The following CSMD1 variants were observed in gnomAD, a reference collection of about 807,000 sequenced individuals.
The protein encoded by CSMD1 is CUB and sushi domain-containing protein 1.
Under a neutral mutation model 417.5 loss-of-function variants are expected in CSMD1, and 213 were observed. The observed-to-expected ratio is 0.51, with a 90% CI of 0.46 to 0.57. The LOEUF (loss-of-function observed/expected upper bound fraction) is 0.57, where lower values mean the gene tolerates loss of function less well. Ranked by LOEUF, CSMD1 falls within the 20% of genes least tolerant of loss-of-function variation. CSMD1 has a pLI of 0.00. For missense variants in CSMD1, 6,923 were observed against 4,529.7 expected (o/e 1.53, Z -15.17); for synonymous variants, 2,862 against 1,736.8 (o/e 1.65, Z -16.11).
At chr8:3,716,661 T>A (rs1483840952) in intron 6 of CSMD1, among the ~76,000 whole-genome samples, 2 of 152,144 alleles carry the variant, frequency 1.3e-5, no homozygotes, top group Non-Finnish European at 2.9e-5. Flanking sequence ...TCTCATCCTG[T>A]GACTAAGAGT....
At chr8:3,294,806 C>T (rs572086030) in intron 25 of CSMD1, among the ~76,000 whole-genome samples, 79 of 152,218 alleles carry the variant, frequency 5.2e-4, no homozygotes, top group African/African-American at 1.5e-3. Flanking sequence ...CTTTGGCTCC[C>T]GCTTGGTGGG....
chr8:4,269,775 G>A lies in CSMD1; in HGVS notation c.415+150178C>T, dbSNP rs529761205. On this transcript the variant is annotated intron_variant, in intron 3 of 69. Coordinates refer to ENST00000635120, the MANE Select transcript of CSMD1 (RefSeq NM_033225.6). ...TGCAAAATTACATCTTCATAAAAAA[G>A]CATGAAAATTATATACAGGTGATAC... is the stretch of plus-strand genomic sequence containing the variant. 4.6e-5 allele frequency among the ~76,000 whole-genome samples: 7 copies of A among 152,228 alleles called. No individual in the cohort carries two copies. The South Asian group carries it at 8.3e-4, about 18-fold the overall frequency.
chr8:3,751,442 C>T (rs1017403374), intron 6 of CSMD1, among the ~76,000 whole-genome samples: 1 of 147,266 alleles, frequency 6.8e-6, no homozygotes, highest in African/African-American at 2.5e-5. Flanking sequence ...ACAGTTTATA[C>T]ATATAAATGT....
In CSMD1 at chr8:2,998,198, G is replaced by A. The variant is rs1428185945; in HGVS notation, c.8204-14C>T. 4 of 1,612,652 alleles carry A rather than the reference G, an allele frequency of 2.5e-6. No individual in the cohort carries two copies. The highest frequency in any genetic ancestry group is 3.4e-6 in the Non-Finnish European group (4 of 1,179,032). ...CACATGTGATGGCTGTAGAGAGACA[G>A]GTCAACGTCATTGTTAAATATTGAA... is the stretch of plus-strand genomic sequence containing the variant. On this transcript the variant is annotated splice_polypyrimidine_tract_variant and intron_variant, in intron 53 of 69. Transcript: ENST00000635120.
Position 4,060,585 on chromosome 8 carries a change from A to T in CSMD1, c.416-28486T>A, listed in dbSNP as rs190393936. Among the ~76,000 whole-genome samples, 11 of 152,280 alleles carry T rather than the reference A, an allele frequency of 7.2e-5. No individual in the cohort carries two copies. In the East Asian group the frequency reaches 2.1e-3, roughly 29 times the overall value. ...TGCGAATGAGTTCCAGGGGAAGGTC[A>T]TTCTGGGTTTCGGAACTGTCCCAGC... On this transcript the variant is annotated intron_variant, in intron 3 of 69. Transcript: ENST00000635120.
intron 5 of CSMD1, among the ~76,000 whole-genome samples, chr8:3,755,318 T>C (rs1293171649): frequency 2.0e-5 from 3 of 152,200 alleles, no homozygotes; most frequent in South Asian, 4.1e-4. Flanking sequence ...CGAAAATACC[T>C]GTATCAAGGG....
At chr8:3,513,725 T>C (rs1264499861) in intron 10 of CSMD1, among the ~76,000 whole-genome samples, 2 of 152,224 alleles carry the variant, frequency 1.3e-5, no homozygotes, top group South Asian at 2.1e-4. Flanking sequence ...CCTCATAGTC[T>C]GTGTGTTAGT....
At chr8:3,415,195 G>A (rs1042149322) in intron 12 of CSMD1, among the ~76,000 whole-genome samples, 3 of 152,028 alleles carry the variant, frequency 2.0e-5, no homozygotes, top group African/African-American at 4.8e-5. Flanking sequence ...ATATGTGTAC[G>A]TATCATAATG....
intron 2 of CSMD1, among the ~76,000 whole-genome samples, chr8:4,482,743 C>A (rs934615030): frequency 6.6e-6 from 1 of 152,134 alleles, no homozygotes; most frequent in African/African-American, 2.4e-5. Context: ...TTAGCCACAA[C>A]CTTGCCAGCA....
chr8:4,190,049 G>A (rs1434745505), intron 3 of CSMD1, among the ~76,000 whole-genome samples: 2 of 151,748 alleles, frequency 1.3e-5, no homozygotes, highest in Non-Finnish European at 2.9e-5. Context: ...ACGAGGTCAG[G>A]AGATCGAGAC....
intron 5 of CSMD1, among the ~76,000 whole-genome samples, chr8:3,886,006 T>G (rs1230722603): frequency 1.3e-5 from 2 of 151,982 alleles, no homozygotes; most frequent in Non-Finnish European, 2.9e-5. Flanking sequence ...TGTGTACATA[T>G]ATATGTGTAC....
intron 5 of CSMD1, among the ~76,000 whole-genome samples, chr8:3,797,872 C>G (rs1424640345): frequency 6.6e-6 from 1 of 151,998 alleles, no homozygotes; most frequent in Non-Finnish European, 1.5e-5. Context: ...TATATTCCCA[C>G]AGTAAGTGAG....
chr8:3,485,347 AGAGCTG>A (rs1296660811), intron 11 of CSMD1, among the ~76,000 whole-genome samples: 1 of 152,138 alleles, frequency 6.6e-6, no homozygotes, highest in Non-Finnish European at 1.5e-5. Context: ...ACAAATTTTT[AGAGCTG>A]GAGTGCAGAT....
intron 3 of CSMD1, among the ~76,000 whole-genome samples, chr8:4,321,510 G>A (rs1445355388): frequency 2.0e-5 from 3 of 152,062 alleles, no homozygotes; most frequent in East Asian, 1.9e-4. Flanking sequence ...CACAGCAGAG[G>A]GATGTGTTAA....
At chr8:3,534,707 C>T (rs555385444) in intron 10 of CSMD1, among the ~76,000 whole-genome samples, 57 of 152,250 alleles carry the variant, frequency 3.7e-4, no homozygotes, top group African/African-American at 1.3e-3. Context: ...TTCTTCTAGT[C>T]CCAGAGCCTT....
At chr8:4,528,629 A>G (rs1796638575) in intron 2 of CSMD1, among the ~76,000 whole-genome samples, 1 of 152,218 alleles carries the variant, frequency 6.6e-6, no homozygotes, top group South Asian at 2.1e-4. Context: ...GTGTTGATGT[A>G]TAGGTTTATG....
chr8:4,400,532 T>C (rs981691351), intron 3 of CSMD1, among the ~76,000 whole-genome samples: 2 of 152,254 alleles, frequency 1.3e-5, no homozygotes, highest in African/African-American at 2.4e-5. Flanking sequence ...TTGCCCTCTA[T>C]GCCTTTCGTG....
intron 2 of CSMD1, among the ~76,000 whole-genome samples, chr8:4,523,404 C>A (rs1803585314): frequency 6.6e-6 from 1 of 152,004 alleles, no homozygotes; most frequent in African/African-American, 2.4e-5. Flanking sequence ...GATGAATTTT[C>A]CTACTTTTGT....
At chr8:4,912,283 C>G (rs1232217217) in intron 1 of CSMD1, among the ~76,000 whole-genome samples, 1 of 151,846 alleles carries the variant, frequency 6.6e-6, no homozygotes, top group Non-Finnish European at 1.5e-5. Context: ...GTAGATTGTA[C>G]TAAAATGACG....
Sources: gnomAD v4.1 joint callset for allele counts (sites outside exome capture counted in the v4.1 genomes callset) on GRCh38, gnomAD v4.1.1 for gene constraint, MANE v1.5 for transcripts, NCBI Gene and HGNC (gene_info 2026-07-23, HGNC 2026-07-21) for gene names.